LRIG1: variants seen among roughly 807,000 people sequenced by gnomAD.
The protein encoded by LRIG1 is leucine-rich repeats and immunoglobulin-like domains protein 1.
A neutral mutation model predicts 99.2 loss-of-function variants in LRIG1; 48 were observed. The observed-to-expected ratio is 0.48, with a 90% confidence interval of 0.38 to 0.62. LRIG1 has a LOEUF of 0.62. Ranked by LOEUF, LRIG1 falls within the 20% of genes least tolerant of loss-of-function variation. LRIG1 has a pLI of 0.00. For missense variants in LRIG1, 1,646 were observed against 1,434.4 expected (o/e 1.15, Z -2.38); for synonymous variants, 772 against 596.1 (o/e 1.29, Z -4.30).
chr3:66,417,833 G>A (rs1465992730), intron 3 of LRIG1, among the ~76,000 whole-genome samples: 2 of 151,814 alleles, frequency 1.3e-5, no homozygotes, highest in Non-Finnish European at 2.9e-5. Context: ...TCCTGACAAT[G>A]TAAAATGGGA....
intron 4 of LRIG1, among the ~76,000 whole-genome samples, chr3:66,415,963 T>C (rs759597005): frequency 6.6e-6 from 1 of 152,154 alleles, no homozygotes; most frequent in Non-Finnish European, 1.5e-5. Context: ...AAGGCACTTT[T>C]TGTCTCTCCA....
chr3:66,462,204 C>A (rs950204689), intron 2 of LRIG1, among the ~76,000 whole-genome samples: 16 of 152,162 alleles, frequency 1.1e-4, no homozygotes, highest in South Asian at 4.2e-4. Context: ...ACCCACCATG[C>A]GCCCAGGATT....
At chr3:66,395,353 TTC>T (rs1420506390) in intron 11 of LRIG1, among the ~76,000 whole-genome samples, 1 of 152,220 alleles carries the variant, frequency 6.6e-6, no homozygotes, top group Non-Finnish European at 1.5e-5. Context: ...TTCCATTTTC[TTC>T]TGTTTCTCTC....
At chr3:66,482,913 G>A (rs144792971) in intron 1 of LRIG1, among the ~76,000 whole-genome samples, 12 of 152,234 alleles carry the variant, frequency 7.9e-5, no homozygotes, top group Non-Finnish European at 1.5e-4. Flanking sequence ...ACTATCCAGT[G>A]ATAATATTTA....
At chr3:66,384,714 G>C (rs557700596) in intron 13 of LRIG1, among the ~76,000 whole-genome samples, 4 of 151,640 alleles carry the variant, frequency 2.6e-5, no homozygotes, top group Non-Finnish European at 5.9e-5. Context: ...GGGTGTTCAT[G>C]GGATGAATGG....
In LRIG1 at chr3:66,383,306, G is replaced by A. The variant is rs61746315; in HGVS notation, c.2167C>T (p.Arg723Cys). 4.4e-4 allele frequency: 711 copies of A among 1,606,548 alleles called. 1 individual carries two copies. Among genetic ancestry groups the A allele is most frequent in the Middle Eastern group, 8.3e-4 (5 of 6,038 alleles). Residue 723 changes from arginine (R) to cysteine (C), a missense_variant, in exon 15 of 19, where the codon CGC becomes TGC. Arg to Cys is a radical substitution (Grantham distance 180). Transcript: ENST00000273261. ...CGGTCCCCCTTGAACCAGGTGATGC[G>A]GGGCGGAGGGTTCCCCGTGGCTTTG... ...QCKATGNPPP[R>C]ITWFKGDRPL...
chr3:66,382,453 A>G (rs776261057), intron 15 of LRIG1, 55 bp from the exon 16 acceptor site: 21 of 1,602,252 alleles, frequency 1.3e-5, no homozygotes, highest in Non-Finnish European at 1.8e-5. Flanking sequence ...AGAAATGCAG[A>G]CACACGTTCA....
chr3:66,418,251 C>G (rs917125888), intron 3 of LRIG1, among the ~76,000 whole-genome samples: 1 of 152,140 alleles, frequency 6.6e-6, no homozygotes, highest in Non-Finnish European at 1.5e-5. Flanking sequence ...GCCACCACAC[C>G]CAGCTAATTT....
rs934689285 is a variant in LRIG1 at position 66,414,793 on chromosome 3, G to A, written c.647+127C>T. On this transcript the variant is annotated intron_variant, in intron 5 of 18. Transcript: ENST00000273261. ...GCTTTTATGAGGTGCTGCCATTAAT[G>A]GTAATTTATGGAGAGCTTTACCAAA... 43 of 958,092 alleles carry A rather than the reference G, an allele frequency of 4.5e-5. 1 individual carries two copies. The highest frequency in any genetic ancestry group is 6.0e-5 in the Non-Finnish European group (41 of 684,376). The allele number at this position is 958,092 out of a possible 1,614,324, so 59.3% of individuals were successfully genotyped here.
intron 11 of LRIG1, 44 bp downstream of exon 11, chr3:66,398,068 G>T (rs375632874): frequency 6.1e-5 from 88 of 1,441,644 alleles, no homozygotes; most frequent in Non-Finnish European, 8.3e-5. Context: ...TACTCTGAAA[G>T]TCTCCACTAC....
chr3:66,434,082 A>G (rs370042217), intron 3 of LRIG1, among the ~76,000 whole-genome samples: 102 of 152,352 alleles, frequency 6.7e-4, no homozygotes, highest in African/African-American at 2.3e-3. Context: ...AAAACTTAAC[A>G]CTTATTAGGC....
chr3:66,470,655 G>C (rs1359858433), intron 1 of LRIG1, among the ~76,000 whole-genome samples: 1 of 152,008 alleles, frequency 6.6e-6, no homozygotes, highest in Non-Finnish European at 1.5e-5. Context: ...TAATCTATGG[G>C]GCCATTAAAG....
chr3:66,439,589 T>C (rs1703475649), intron 3 of LRIG1, among the ~76,000 whole-genome samples: 1 of 151,896 alleles, frequency 6.6e-6, no homozygotes, highest in Non-Finnish European at 1.5e-5. Context: ...AAGAGCCAAG[T>C]CTTACTTTTG....
At chr3:66,399,075 G>A (rs758541953) in intron 9 of LRIG1, 34 bp from the exon 10 acceptor site, 3 of 1,555,806 alleles carry the variant, frequency 1.9e-6, no homozygotes, top group Admixed American at 1.7e-5. Context: ...ATTAAGGCCA[G>A]GGAAGGAAAG....
chr3:66,416,896 C>A (rs1414050564), intron 4 of LRIG1, among the ~76,000 whole-genome samples: 1 of 152,244 alleles, frequency 6.6e-6, no homozygotes, highest in Non-Finnish European at 1.5e-5. Context: ...CTGCCTCTGT[C>A]CCTTGTCTGT....
At chr3:66,495,937 A>G (rs1157795236) in intron 1 of LRIG1, among the ~76,000 whole-genome samples, 2 of 152,216 alleles carry the variant, frequency 1.3e-5, no homozygotes, top group African/African-American at 2.4e-5. Flanking sequence ...GGCCGTCCCA[A>G]TGGACTCAGG....
Position 66,383,360 on chromosome 3 carries a change from A to T in LRIG1, c.2113T>A (p.Ser705Thr). The change falls in exon 15 of 19, where the codon TCT (serine) becomes ACT (threonine). Residue 705 changes from serine to threonine, a missense_variant. Physicochemically the swap from Ser to Thr is moderately conservative, Grantham distance 58. Transcript: ENST00000273261. ...TGGAGGGCCACTGTTTCTCCCACAGATACCACACGGTCTTCCAAGGGGACC... is the reference window on the plus strand; with the variant it reads ...TGGAGGGCCACTGTTTCTCCCACAGTTACCACACGGTCTTCCAAGGGGACC... ...LVVPLEDRVV[S>T]VGETVALQCK... The T allele has an allele frequency of 6.3e-7, 1 of 1,582,858 alleles. No individual in the cohort carries two copies. Among genetic ancestry groups the T allele is most frequent in the Non-Finnish European group, 8.6e-7 (1 of 1,159,722 alleles).
chr3:66,384,460 C>T (rs549033241), intron 13 of LRIG1, among the ~76,000 whole-genome samples, 188 bp from the exon 14 acceptor site: 12 of 152,278 alleles, frequency 7.9e-5, no homozygotes, highest in African/African-American at 1.4e-4. Flanking sequence ...ACAGTTGGAA[C>T]ACTTCCATCC....
intron 3 of LRIG1, among the ~76,000 whole-genome samples, chr3:66,433,374 C>T (rs1703243005): frequency 6.6e-6 from 1 of 152,220 alleles, no homozygotes; most frequent in African/African-American, 2.4e-5. Context: ...GTGGGTGCTG[C>T]AGCGCTAAAG....
Sources: allele counts gnomAD v4.1 joint callset (sites outside exome capture counted in the v4.1 genomes callset), GRCh38; gene constraint gnomAD v4.1.1; transcripts MANE v1.5; gene names NCBI Gene and HGNC (gene_info 2026-07-23, HGNC 2026-07-21).